NLGN1: variants seen among roughly 807,000 people sequenced by gnomAD.
NLGN1 encodes neuroligin 1, also known as neuroligin-1.
A neutral mutation model predicts 65.5 loss-of-function variants in NLGN1; 12 were observed. The ratio of observed to expected loss-of-function variants is 0.18; its 90% CI spans 0.12 to 0.30. The LOEUF (loss-of-function observed/expected upper bound fraction) is 0.30. Ranked by LOEUF, NLGN1 falls within the 10% of genes least tolerant of loss-of-function variation. The pLI, the probability that NLGN1 is intolerant of heterozygous loss-of-function variation, is 1.00. For missense variants in NLGN1, 750 were observed against 1,007.1 expected (o/e 0.74, Z 3.46); for synonymous variants, 350 against 359.5 (o/e 0.97, Z 0.30).
chr3:173,813,289 A>G (rs1052165522), intron 4 of NLGN1, among the ~76,000 whole-genome samples: 17 of 152,190 alleles, frequency 1.1e-4, no homozygotes, highest in Non-Finnish European at 2.1e-4. Context: ...AACCCCCAAA[A>G]AACAAAAGTC....
intron 3 of NLGN1, among the ~76,000 whole-genome samples, chr3:173,648,582 T>C (rs1758646665): frequency 6.6e-6 from 1 of 152,068 alleles, no homozygotes; most frequent in African/African-American, 2.4e-5. Flanking sequence ...TTTCTTTCTT[T>C]CTTTTTTTTT....
chr3:173,502,960 A>T (rs1347904568), intron 2 of NLGN1, among the ~76,000 whole-genome samples: 2 of 152,044 alleles, frequency 1.3e-5, no homozygotes, highest in African/African-American at 4.8e-5. Context: ...TATGAATCAC[A>T]TTGTGTTTAT....
chr3:174,218,594 A>T (rs1429909111), intron 4 of NLGN1, among the ~76,000 whole-genome samples: 7 of 152,048 alleles, frequency 4.6e-5, no homozygotes, highest in Admixed American at 3.3e-4. Flanking sequence ...CCCCTTCAAG[A>T]CAAGGAATCC....
chr3:173,864,553 C>G (rs1406879370), intron 4 of NLGN1, among the ~76,000 whole-genome samples: 1 of 152,144 alleles, frequency 6.6e-6, no homozygotes, highest in African/African-American at 2.4e-5. Context: ...TTTTAAGTGA[C>G]TGATATTTGC....
chr3:173,805,234 C>A (rs763986681), intron 3 of NLGN1, among the ~76,000 whole-genome samples: 1 of 152,070 alleles, frequency 6.6e-6, no homozygotes, highest in Non-Finnish European at 1.5e-5. Context: ...CCTAATAATA[C>A]TTTTTATAAC....
At chr3:174,255,630 T>TTCTATTTA (rs1267739282) in intron 4 of NLGN1, among the ~76,000 whole-genome samples, 12 of 129,906 alleles carry the variant, frequency 9.2e-5, no homozygotes, top group African/African-American at 2.9e-4. Context: ...TCTTTCTTTC[T>TTCTATTTA]TTTCTTCTAT....
chr3:174,020,966 A>G (rs576196121), intron 4 of NLGN1, among the ~76,000 whole-genome samples: 1 of 152,208 alleles, frequency 6.6e-6, no homozygotes, highest in Non-Finnish European at 1.5e-5. Context: ...TTAAATTGAT[A>G]TAGTTCAAAA....
chr3:173,747,059 T>TACACACACACAC (rs3033827), intron 3 of NLGN1, among the ~76,000 whole-genome samples: 1,801 of 130,330 alleles, frequency 0.014, 41 homozygotes, highest in African/African-American at 0.049. Context: ...AAATTATATA[T>TACACACACACAC]ACACACACAC....
intron 4 of NLGN1, among the ~76,000 whole-genome samples, chr3:174,067,388 T>G (rs186844596): frequency 2.0e-5 from 3 of 152,298 alleles, no homozygotes; most frequent in Admixed American, 2.0e-4. Flanking sequence ...AAATAGTTGA[T>G]CAATAATTGC....
At chr3:173,644,799 C>T (rs1219428424) in intron 3 of NLGN1, 2 of 153,146 alleles carry the variant, frequency 1.3e-5, no homozygotes, top group Non-Finnish European at 2.9e-5. Context: ...ATTGCGCCTT[C>T]TGTGCAGCAC....
intron 3 of NLGN1, among the ~76,000 whole-genome samples, chr3:173,655,756 TA>T (rs11290973): frequency 0.44 from 65,902 of 148,376 alleles, 14,970 homozygotes; most frequent in African/African-American, 0.59. Flanking sequence ...CAGTTAAAAT[TA>T]AAAAAAAAAA....
At chr3:174,180,699 AT>A (rs1210977096) in intron 4 of NLGN1, 18 of 152,082 alleles carry the variant, frequency 1.2e-4, no homozygotes, top group Non-Finnish European at 1.6e-4. Flanking sequence ...GAGATGATAG[AT>A]GTGTTCTTGT....
chr3:173,747,215 G>GTA (rs892501046), intron 3 of NLGN1, among the ~76,000 whole-genome samples: 3 of 132,494 alleles, frequency 2.3e-5, no homozygotes, highest in Non-Finnish European at 3.1e-5. Flanking sequence ...ATATCTTTAA[G>GTA]TATATATATT....
intron 4 of NLGN1, among the ~76,000 whole-genome samples, chr3:174,183,459 C>A (rs531080427): frequency 1.3e-5 from 2 of 152,038 alleles, no homozygotes; most frequent in Middle Eastern, 3.4e-3. Context: ...TAAATAAATC[C>A]GAACTAGCTA....
chr3:173,802,149 T>C (rs2150414594), intron 3 of NLGN1, among the ~76,000 whole-genome samples: 1 of 152,288 alleles, frequency 6.6e-6, no homozygotes, highest in Admixed American at 6.5e-5. Flanking sequence ...TGTGATTTTT[T>C]TTTTCCTTTT....
At chr3:174,096,815 T>C (rs1476209224) in intron 4 of NLGN1, among the ~76,000 whole-genome samples, 2 of 152,148 alleles carry the variant, frequency 1.3e-5, no homozygotes, top group Admixed American at 6.5e-5. Flanking sequence ...ATTTTTCTAA[T>C]GTAATTGAAC....
chr3:173,514,116 A>G (rs1050561543), intron 2 of NLGN1, among the ~76,000 whole-genome samples: 3 of 152,210 alleles, frequency 2.0e-5, no homozygotes, highest in African/African-American at 7.2e-5. Flanking sequence ...TGCTCAGTAC[A>G]TAAGTCTGAT....
At chr3:173,632,855 T>G (rs1042710478) in intron 3 of NLGN1, among the ~76,000 whole-genome samples, 30 of 140,092 alleles carry the variant, frequency 2.1e-4, no homozygotes, top group East Asian at 6.0e-4. Flanking sequence ...TTTTGTTTTT[T>G]TTTTTTTTTT....
chr3:173,922,450 G>T (rs1328665869), intron 4 of NLGN1, among the ~76,000 whole-genome samples: 1 of 151,940 alleles, frequency 6.6e-6, no homozygotes, highest in Admixed American at 6.6e-5. Context: ...TTCTCATCAT[G>T]CATCTGAACA....
Sources: gnomAD v4.1 joint callset for allele counts (sites outside exome capture counted in the v4.1 genomes callset) on GRCh38, gnomAD v4.1.1 for gene constraint, MANE v1.5 for transcripts, NCBI Gene and HGNC (gene_info 2026-07-23, HGNC 2026-07-21) for gene names.